GAS2L3: variants seen among roughly 807,000 people sequenced by gnomAD.
The protein encoded by GAS2L3 is GAS2-like protein 3.
A neutral mutation model predicts 37.0 loss-of-function variants in GAS2L3; 28 were observed. The ratio of observed to expected loss-of-function variants is 0.76; its 90% CI spans 0.56 to 1.04. The LOEUF is 1.04. Among genes scored for constraint, GAS2L3 ranks in the 50% least tolerant of loss-of-function variants. The pLI is 0.00. For missense variants in GAS2L3, 793 were observed against 817.6 expected, an observed-to-expected ratio of 0.97 and a Z score of 0.37; for synonymous variants, 290 against 296.6, an observed-to-expected ratio of 0.98 and a Z score of 0.23.
Position 100,623,987 on chromosome 12 carries a change from ACCGCAGGCT to A in GAS2L3, c.1185_1193del (p.Gln396_Pro398del), listed in dbSNP as rs1956294850. 1 of 1,614,118 alleles carries A rather than the reference ACCGCAGGCT, an allele frequency of 6.2e-7. No individual in the cohort carries two copies. The highest frequency in any genetic ancestry group is 1.7e-5 in the Admixed American group (1 of 60,008). On this transcript the variant is annotated inframe_deletion, in exon 10 of 10. Transcript: ENST00000547754. ...AGTCTTCAAAAGGCATAACGAAGAA[ACCGCAGGCT>A]CCTTCAAACAATGCATCATCTTCAC... is the stretch of plus-strand genomic sequence containing the variant.
chr12:100,588,127 G>T (rs920872542), intron 1 of GAS2L3, among the ~76,000 whole-genome samples: 1 of 152,126 alleles, frequency 6.6e-6, no homozygotes, highest in African/African-American at 2.4e-5. Flanking sequence ...GATTGCTGAC[G>T]ATATGATTGT....
chr12:100,620,834 A>T (rs926243247), intron 8 of GAS2L3, among the ~76,000 whole-genome samples: 3 of 152,042 alleles, frequency 2.0e-5, no homozygotes, highest in African/African-American at 7.2e-5. Context: ...ATGTATCAGC[A>T]TGGTTCTAAT....
intron 6 of GAS2L3, 127 bp from the exon 7 acceptor site, chr12:100,617,617 A>G: frequency 1.6e-6 from 1 of 638,572 alleles, no homozygotes; most frequent in East Asian, 2.9e-5. Context: ...TCTTTTCTTC[A>G]TTTTTTCTAA....
At chr12:100,593,750 C>A (rs995757991) in intron 2 of GAS2L3, 5 of 152,026 alleles carry the variant, frequency 3.3e-5, no homozygotes, top group Non-Finnish European at 5.9e-5. Context: ...AAAATGTATT[C>A]CCCACTGAAT....
At chr12:100,575,476 ATTTTTTTTTTTT>A (rs58446699) in intron 1 of GAS2L3, among the ~76,000 whole-genome samples, 1 of 88,796 alleles carries the variant, frequency 1.1e-5, no homozygotes, top group Non-Finnish European at 2.0e-5. Flanking sequence ...TGTTATCTCT[ATTTTTTTTTTTT>A]TTTTTTTTTT....
At chr12:100,598,095 T>A (rs1054806206) in intron 3 of GAS2L3, among the ~76,000 whole-genome samples, 1 of 152,098 alleles carries the variant, frequency 6.6e-6, no homozygotes, top group Admixed American at 6.6e-5. Context: ...AATATTTTAG[T>A]GTGTATTTCT....
At chr12:100,612,632 C>T (rs1039733213) in intron 6 of GAS2L3, 5 of 158,046 alleles carry the variant, frequency 3.2e-5, no homozygotes, top group South Asian at 3.9e-4. Flanking sequence ...GAATTATTGA[C>T]GTATTTTCTC....
At chr12:100,619,179 G>T (rs1956223817) in intron 8 of GAS2L3, among the ~76,000 whole-genome samples, 1 of 151,814 alleles carries the variant, frequency 6.6e-6, no homozygotes, top group South Asian at 2.1e-4. Flanking sequence ...AGGAAAAGTT[G>T]TGAGGGAAGA....
chr12:100,618,616 C>A (rs1251737774), intron 8 of GAS2L3, 29 bp downstream of exon 8: 8 of 1,585,646 alleles, frequency 5.0e-6, no homozygotes, highest in Non-Finnish European at 6.8e-6. Flanking sequence ...TTCTTTTGAC[C>A]ATGATACCTT....
intron 2 of GAS2L3, among the ~76,000 whole-genome samples, chr12:100,594,599 C>T (rs2136437763): frequency 6.6e-6 from 1 of 151,712 alleles, no homozygotes; most frequent in South Asian, 2.1e-4. Flanking sequence ...TTTTTCAAAA[C>T]TGTCCAGATG....
At chr12:100,604,142 C>G (rs78360555) in intron 5 of GAS2L3, among the ~76,000 whole-genome samples, 2,412 of 151,942 alleles carry the variant, frequency 0.016, 65 homozygotes, top group African/African-American at 0.055. Context: ...TGAAAAACAT[C>G]ATTGGTATTT....
chr12:100,587,837 G>T (rs1056087723), intron 1 of GAS2L3, among the ~76,000 whole-genome samples: 7 of 152,134 alleles, frequency 4.6e-5, no homozygotes, highest in African/African-American at 1.7e-4. Context: ...TGGATCACAG[G>T]GTCAGGAGAT....
intron 3 of GAS2L3, among the ~76,000 whole-genome samples, chr12:100,599,968 T>C (rs193013575): frequency 6.6e-6 from 1 of 152,348 alleles, no homozygotes; most frequent in East Asian, 1.9e-4. Context: ...ATGCCTATAA[T>C]CCCAGCACTT....
At chr12:100,583,759 G>T (rs563840038) in intron 1 of GAS2L3, among the ~76,000 whole-genome samples, 1 of 151,974 alleles carries the variant, frequency 6.6e-6, no homozygotes, top group African/African-American at 2.4e-5. Flanking sequence ...ATTTGCCACC[G>T]CACCCAGCCG....
intron 8 of GAS2L3, among the ~76,000 whole-genome samples, chr12:100,620,095 T>C (rs1956235513): frequency 6.6e-6 from 1 of 152,070 alleles, no homozygotes; most frequent in Non-Finnish European, 1.5e-5. Flanking sequence ...AAAATATTAC[T>C]TTTTCATTTT....
chr12:100,601,638 G>T lies in GAS2L3; in HGVS notation c.188G>T (p.Gly63Val). ...TCTTAACTTTGAAATATGTTTTTAGGTATTAAAGTTAAGGCAGAAAAATTA... is the reference window on the plus strand; with the variant it reads ...TCTTAACTTTGAAATATGTTTTTAGTTATTAAAGTTAAGGCAGAAAAATTA... ...DLSIWLSGLL[G>V]IKVKAEKLLE... The change falls in exon 5 of 10, where the codon GGT becomes GTT. Residue 63 changes from glycine to valine, a missense_variant and splice_region_variant. Gly to Val is a moderately radical substitution (Grantham distance 109). Transcript: ENST00000547754. 1 of 1,242,534 alleles carries T rather than the reference G, an allele frequency of 8.0e-7. No individual in the cohort carries two copies. 77.0% of individuals were successfully genotyped at this position (1,242,534 alleles called of 1,614,324 possible).
chr12:100,611,576 G>T (rs1306792293), intron 5 of GAS2L3, among the ~76,000 whole-genome samples: 2 of 152,062 alleles, frequency 1.3e-5, no homozygotes, highest in Admixed American at 1.3e-4. Context: ...TTGGGCGGGG[G>T]TGGTTTTGGG....
At chr12:100,581,760 C>T (rs911533718) in intron 1 of GAS2L3, among the ~76,000 whole-genome samples, 3 of 152,102 alleles carry the variant, frequency 2.0e-5, no homozygotes, top group African/African-American at 7.2e-5. Context: ...CCAATATTCA[C>T]GGTAAAGTGA....
chr12:100,574,211 TAG>T (rs1350865967), intron 1 of GAS2L3, among the ~76,000 whole-genome samples: 1 of 152,204 alleles, frequency 6.6e-6, no homozygotes, highest in Middle Eastern at 3.2e-3. Context: ...GCCTGGCACT[TAG>T]AGGGTCTGTT....
Sources: gnomAD v4.1 joint callset for allele counts (sites outside exome capture counted in the v4.1 genomes callset) on GRCh38, gnomAD v4.1.1 for gene constraint, MANE v1.5 for transcripts, NCBI Gene and HGNC (gene_info 2026-07-23, HGNC 2026-07-21) for gene names.